NFASC: variants seen among roughly 807,000 people sequenced by gnomAD.
NFASC encodes the protein neurofascin.
NFASC carries 43 observed loss-of-function variants against 147.5 expected under a neutral mutation model. The observed-to-expected ratio is 0.29, with a 90% CI of 0.23 to 0.38. The LOEUF (loss-of-function observed/expected upper bound fraction) is 0.38. Among genes scored for constraint, NFASC ranks in the 10% least tolerant of loss-of-function variants. The pLI is 1.00. For missense variants in NFASC, 1,320 were observed against 1,689.0 expected, an observed-to-expected ratio of 0.78 and a Z score of 3.83; for synonymous variants, 622 against 665.5, an observed-to-expected ratio of 0.93 and a Z score of 1.01.
Position 205,020,580 on chromosome 1 carries a change from A to C in NFASC, c.*4041A>C, listed in dbSNP as rs994506585. 3 of 152,260 alleles carry C rather than the reference A, an allele frequency of 2.0e-5. No individual in the cohort carries two copies. The highest frequency in any genetic ancestry group is 2.0e-4 in the Admixed American group (3 of 15,284). 9.4% of individuals were successfully genotyped at this position (152,260 alleles called of 1,614,324 possible). A position where few individuals can be genotyped will look rare whatever the true frequency, so the allele number is the denominator to read the frequency against. On this transcript the variant is annotated 3_prime_UTR_variant, in exon 30 of 30. Coordinates refer to ENST00000339876, the MANE Select transcript of NFASC (RefSeq NM_001005388.3). ...GAGCATCTGAGCTGAAGGAGTGGGA[A>C]ACTTTGCCCAAGCAATGGCACGGGC...
At chr1:204,853,852 C>T (rs981265954) in intron 1 of NFASC, among the ~76,000 whole-genome samples, 17 of 152,184 alleles carry the variant, frequency 1.1e-4, no homozygotes, top group African/African-American at 3.4e-4. Flanking sequence ...CAGCTAGGCA[C>T]ACCCCTGGGT....
At position 204,960,573 on chromosome 1, in the gene NFASC, C is replaced by T. The variant is rs2094612912; in HGVS notation, c.706+2747C>T. ...CATGTGCTCCAGAATTCACAAACCA[C>T]GAGGTCAGTTCTGGGCGTGGGCTAC... On this transcript the variant is annotated intron_variant, in intron 8 of 29. Coordinates refer to ENST00000339876, the MANE Select transcript of NFASC (RefSeq NM_001005388.3). 2.6e-5 allele frequency among the ~76,000 whole-genome samples: 4 copies of T among 152,226 alleles called. No individual in the cohort carries two copies. In the South Asian group the frequency reaches 8.3e-4, roughly 31 times the overall value.
chr1:204,858,978 CTT>C (rs56763796), intron 1 of NFASC, among the ~76,000 whole-genome samples: 22 of 139,502 alleles, frequency 1.6e-4, no homozygotes, highest in Admixed American at 3.5e-4. Flanking sequence ...AATGCACTGA[CTT>C]TTTTTTTTTT....
chr1:204,911,968 C>G (rs1014203397), intron 1 of NFASC, among the ~76,000 whole-genome samples: 1 of 152,170 alleles, frequency 6.6e-6, no homozygotes, highest in African/African-American at 2.4e-5. Context: ...GCAGGGGCTA[C>G]AGTGGCATCC....
chr1:204,871,929 T>A (rs1247211695), intron 1 of NFASC, among the ~76,000 whole-genome samples: 4 of 152,166 alleles, frequency 2.6e-5, no homozygotes. Flanking sequence ...GGTTTGTTGT[T>A]GGTTGGGAGG....
In NFASC at chr1:204,997,281, C is replaced by T. The variant is rs1413046556; in HGVS notation, c.2894C>T (p.Thr965Ile). 6.2e-7 allele frequency: 1 copy of T among 1,611,576 alleles called. No homozygotes were observed. The highest frequency in any genetic ancestry group is 1.3e-5 in the African/African-American group (1 of 74,878). Residue 965 changes from threonine to isoleucine, a missense_variant, in exon 25 of 30, where the codon ACT (threonine) becomes ATT (isoleucine). This residue lies in a region of NFASC where 172 missense variants were observed against 165.8 expected (regional missense o/e 1.04). Transcript: ENST00000339876. ...GCCACAACAGTCCCCATCATCCCAA[C>T]TGTCGCACCTACCACCATCGCCACC... ...TEATTVPIIP[T>I]VAPTTIATTT...
Position 204,895,377 on chromosome 1 carries a change from T to C in NFASC, c.-199-25255T>C, listed in dbSNP as rs528517253. On this transcript the variant is annotated intron_variant, in intron 1 of 29. Transcript: ENST00000339876. ...CTACCACCAGCTTCTTTTAATTTCT[T>C]CCTTCTCTGAACTCCTGCTTCAGTT... is the stretch of plus-strand genomic sequence containing the variant. Among the ~76,000 whole-genome samples, 3 of 152,354 alleles carry C rather than the reference T, an allele frequency of 2.0e-5. No individual in the cohort carries two copies. The East Asian group carries it at 5.8e-4, about 29-fold the overall frequency.
At chr1:204,992,252 T>C (rs1160262153) in intron 24 of NFASC, among the ~76,000 whole-genome samples, 1 of 152,100 alleles carries the variant, frequency 6.6e-6, no homozygotes, top group Non-Finnish European at 1.5e-5. Flanking sequence ...AAGCAAGTGC[T>C]CAGCAGAGCC....
At chr1:204,944,452 C>T in intron 3 of NFASC, 46 bp downstream of exon 3, 7 of 684,524 alleles carry the variant, frequency 1.0e-5, no homozygotes, top group East Asian at 9.6e-5. Context: ...TGATTTTGGG[C>T]AGAGGGGTGG....
intron 2 of NFASC, among the ~76,000 whole-genome samples, chr1:204,940,142 CAT>C (rs1203108612): frequency 1.3e-5 from 2 of 152,104 alleles, no homozygotes; most frequent in African/African-American, 4.8e-5. Context: ...TGAGGTGAAA[CAT>C]AAACCGTTTT....
At chr1:204,853,512 T>C (rs1189220055) in intron 1 of NFASC, among the ~76,000 whole-genome samples, 1 of 152,174 alleles carries the variant, frequency 6.6e-6, no homozygotes, top group African/African-American at 2.4e-5. Flanking sequence ...CTGTAGTACT[T>C]TGAGGTGTAG....
At position 204,920,669 on chromosome 1, in the gene NFASC, T is replaced by C. The variant is rs1276628315; in HGVS notation, c.-162T>C. ...ATGTGCAATTTGGGACGCTGGAGTT[T>C]ACCTTCCCTCCGCAGCCTGGAACAG... On this transcript the variant is annotated 5_prime_UTR_variant, in exon 2 of 30. Coordinates refer to ENST00000339876, the MANE Select transcript of NFASC (RefSeq NM_001005388.3). 3.1e-6 allele frequency: 4 copies of C among 1,289,682 alleles called. No individual in the cohort carries two copies. Among genetic ancestry groups the C allele is most frequent in the Non-Finnish European group, 4.0e-6 (4 of 988,828 alleles). The allele number at this position is 1,289,682 out of a possible 1,614,324, so 79.9% of individuals were successfully genotyped here.
intron 1 of NFASC, among the ~76,000 whole-genome samples, chr1:204,887,118 A>G (rs981046040): frequency 2.0e-5 from 3 of 152,134 alleles, no homozygotes; most frequent in African/African-American, 7.2e-5. Flanking sequence ...CATCTTCCCA[A>G]AATTAAAACT....
intron 24 of NFASC, among the ~76,000 whole-genome samples, chr1:204,992,452 C>T (rs1349497159): frequency 2.0e-5 from 3 of 152,154 alleles, no homozygotes; most frequent in Non-Finnish European, 4.4e-5. Context: ...GTATGTTTTG[C>T]GGCCAGATCT....
Position 204,949,968 on chromosome 1 carries a change from T to A in NFASC, c.92-589T>A, listed in dbSNP as rs564642911. On this transcript the variant is annotated intron_variant, in intron 3 of 29. Transcript: ENST00000339876. ...GAGAAGCATGATTTCTATAAGGCAA[T>A]GTACCATGAATAGAAGCAATGTACC... is the stretch of plus-strand genomic sequence containing the variant. 2.2e-4 allele frequency among the ~76,000 whole-genome samples: 33 copies of A among 152,322 alleles called. 1 individual carries two copies. The East Asian group carries it at 6.0e-3, about 28-fold the overall frequency.
In NFASC at chr1:204,968,281, A is replaced by C; in HGVS notation, c.739A>C (p.Met247Leu). The C allele has an allele frequency of 6.2e-7, 1 of 1,614,134 alleles. No homozygotes were observed. Residue 247 changes from methionine to leucine, a missense_variant, in exon 9 of 30, where the codon ATG becomes CTG. This residue lies in a region of NFASC where 981 missense variants were observed against 1,289.5 expected (regional missense o/e 0.76). Transcript: ENST00000339876. This position sits in a 1 kb window ranked among gnomAD's most constrained non-coding sequence, Gnocchi z 5.4. ...AGTTGCAGAAAGAACACCAAGCTTC[A>C]TGTATCCCCAGGGCACCGCGAGCAG... ...RGVAERTPSFMYPQGTASSQM... is the reference protein window; with the variant it reads ...RGVAERTPSFLYPQGTASSQM...
chr1:204,991,584 C>A (rs573409332), intron 24 of NFASC, among the ~76,000 whole-genome samples: 1 of 152,358 alleles, frequency 6.6e-6, no homozygotes, highest in Non-Finnish European at 1.5e-5. Context: ...CTGACCTGCT[C>A]TCTGGAGCTG....
chr1:204,993,237 T>A lies in NFASC; in HGVS notation c.2782+1931T>A, dbSNP rs2095778488. Among the ~76,000 whole-genome samples the A allele has an allele frequency of 2.0e-5, 3 of 152,340 alleles. No homozygotes were observed. In the South Asian group the frequency reaches 6.2e-4, roughly 32 times the overall value. On this transcript the variant is annotated intron_variant, in intron 24 of 29. Transcript: ENST00000339876. ...GAAGATAATCCCTCTCATCCACCTG[T>A]ATCTGTAGTCTCTTAGGATTGCTGC...
Position 204,968,181 on chromosome 1 carries a change from C to T in NFASC, c.707-68C>T, listed in dbSNP as rs550408050. 7.1e-6 allele frequency: 8 copies of T among 1,132,470 alleles called. No homozygotes were observed. The African/African-American group carries it at 9.1e-5, about 13-fold the overall frequency. 70.2% of individuals were successfully genotyped at this position (1,132,470 alleles called of 1,614,324 possible). A position where few individuals can be genotyped will look rare whatever the true frequency, so the allele number is the denominator to read the frequency against. ...GTGATGCCACTTCTCTCTAGCCTGA[C>T]AGCGTTGGCCTAGTGGGGTCTGCCT... On this transcript the variant is annotated intron_variant, in intron 8 of 29. Transcript: ENST00000339876. This position sits in a 1 kb window ranked among gnomAD's most constrained non-coding sequence, Gnocchi z 5.4.
Sources: allele counts gnomAD v4.1 joint callset (sites outside exome capture counted in the v4.1 genomes callset), GRCh38; gene constraint gnomAD v4.1.1; regional missense constraint gnomAD v4.1.1; non-coding constraint Gnocchi (gnomAD v3.1); transcripts MANE v1.5; gene names NCBI Gene and HGNC (gene_info 2026-07-23, HGNC 2026-07-21).